Variants in COL11A1 observed in about 807,000 individuals in gnomAD.
COL11A1 encodes collagen alpha-1(XI) chain.
COL11A1 carries 74 observed loss-of-function variants against 265.2 expected under a neutral mutation model. That is an observed-to-expected ratio of 0.28 (90% CI 0.23 to 0.34). COL11A1 has a LOEUF of 0.34. COL11A1 is among the 10% of genes least tolerant of loss of function. COL11A1 has a pLI of 1.00. For synonymous variants in COL11A1, 816 were observed against 727.6 expected (o/e 1.12, Z -1.96); for missense variants, 2,165 against 2,263.6 (o/e 0.96, Z 0.88).
At chr1:103,040,460 T>A (rs1041028551) in intron 4 of COL11A1, among the ~76,000 whole-genome samples, 1 of 151,668 alleles carries the variant, frequency 6.6e-6, no homozygotes. Flanking sequence ...GTTTAGTTCC[T>A]TGTTGATTTA....
chr1:103,082,286 A>C (rs1364092270), intron 2 of COL11A1, among the ~76,000 whole-genome samples: 1 of 152,062 alleles, frequency 6.6e-6, no homozygotes, highest in African/African-American at 2.4e-5. Context: ...TGAAAAAATA[A>C]TGCAAAATTA....
In COL11A1 at chr1:102,914,352, T is replaced by G; in HGVS notation, c.3978A>C (p.Ala1326=). ...DPGPPGEPGP[A]GQDGVGGDKG... is the part of the protein sequence containing the mutation. ...TTCTTGATTTTTCCCTGATACTTAC[T>G]GCAGGGCCAGGTTCCCCAGGAGGAC... The change falls in exon 52 of 67, where the codon GCA becomes GCC. Residue 1326 remains alanine, a splice_region_variant and synonymous_variant. Transcript: ENST00000370096. 6.2e-7 allele frequency: 1 copy of G among 1,604,620 alleles called. No individual in the cohort carries two copies. Among genetic ancestry groups the G allele is most frequent in the Admixed American group, 1.7e-5 (1 of 59,898 alleles).
chr1:102,973,216 T>C (rs573963328), intron 36 of COL11A1, among the ~76,000 whole-genome samples: 25 of 152,150 alleles, frequency 1.6e-4, no homozygotes, highest in Non-Finnish European at 3.4e-4. Flanking sequence ...AAAAATCACT[T>C]TGTTTATCAG....
At chr1:102,987,266 A>ATG (rs370197386) in intron 30 of COL11A1, among the ~76,000 whole-genome samples, 1 of 147,584 alleles carries the variant, frequency 6.8e-6, no homozygotes, top group East Asian at 2.0e-4. Context: ...ATATATATAT[A>ATG]TGTATGTATA....
intron 4 of COL11A1, among the ~76,000 whole-genome samples, chr1:103,036,554 T>C (rs547622506): frequency 6.6e-6 from 1 of 151,670 alleles, no homozygotes; most frequent in Non-Finnish European, 1.5e-5. Flanking sequence ...AGGTGTTTAA[T>C]AGTCATAAAA....
At chr1:102,910,976 T>C (rs1654603427) in intron 54 of COL11A1, among the ~76,000 whole-genome samples, 2 of 152,130 alleles carry the variant, frequency 1.3e-5, no homozygotes, top group Non-Finnish European at 1.5e-5. Flanking sequence ...TGAAATAGTA[T>C]AATAGACAGC....
chr1:103,061,092 A>G (rs936673773), intron 4 of COL11A1, among the ~76,000 whole-genome samples: 3 of 152,194 alleles, frequency 2.0e-5, no homozygotes, highest in African/African-American at 7.2e-5. Context: ...TAATAAAAAG[A>G]AAACAGGAGT....
At chr1:102,883,644 T>C (rs1049385550) in intron 63 of COL11A1, among the ~76,000 whole-genome samples, 4 of 152,182 alleles carry the variant, frequency 2.6e-5, no homozygotes, top group African/African-American at 9.6e-5. Flanking sequence ...TGCATGCATA[T>C]TGAAATAAGA....
At chr1:103,063,664 A>T (rs961082494) in intron 4 of COL11A1, among the ~76,000 whole-genome samples, 1 of 152,218 alleles carries the variant, frequency 6.6e-6, no homozygotes, top group African/African-American at 2.4e-5. Context: ...GACTCTTCAG[A>T]CACAACACCA....
chr1:102,927,591 C>T (rs967440844), intron 46 of COL11A1, among the ~76,000 whole-genome samples: 15 of 151,752 alleles, frequency 9.9e-5, no homozygotes, highest in African/African-American at 2.2e-4. Context: ...TGCAGTGAGC[C>T]GAGAGCAGGC....
chr1:102,940,281 T>G, intron 43 of COL11A1, 46 bp downstream of exon 43: 1 of 1,458,658 alleles, frequency 6.9e-7, no homozygotes. Flanking sequence ...TTGACAAAAA[T>G]TAAGCTTTTT....
At chr1:102,924,460 ATACT>A (rs1376374447) in intron 46 of COL11A1, among the ~76,000 whole-genome samples, 1 of 152,218 alleles carries the variant, frequency 6.6e-6, no homozygotes, top group African/African-American at 2.4e-5. Context: ...TACTTTGTAC[ATACT>A]TCAATTGTAC....
intron 37 of COL11A1, among the ~76,000 whole-genome samples, chr1:102,969,915 G>A (rs1661793680): frequency 6.6e-6 from 1 of 152,022 alleles, no homozygotes; most frequent in African/African-American, 2.4e-5. Context: ...AAGAGTGAGA[G>A]GGAAAATCTT....
At chr1:102,912,646 A>G (rs1199344798) in intron 53 of COL11A1, among the ~76,000 whole-genome samples, 1 of 152,166 alleles carries the variant, frequency 6.6e-6, no homozygotes, top group Non-Finnish European at 1.5e-5. Context: ...ACATACTGAT[A>G]TGGTTTGGCT....
At chr1:102,904,772 T>C (rs1267515375) in intron 54 of COL11A1, among the ~76,000 whole-genome samples, 5 of 152,072 alleles carry the variant, frequency 3.3e-5, no homozygotes, top group Non-Finnish European at 5.9e-5. Flanking sequence ...TTTACACTGT[T>C]GGTGGGACTG....
At chr1:102,954,582 C>T (rs1031210573) in intron 41 of COL11A1, among the ~76,000 whole-genome samples, 23 of 152,164 alleles carry the variant, frequency 1.5e-4, no homozygotes, top group African/African-American at 4.8e-4. Flanking sequence ...CCTTGGCTCA[C>T]GCCTGTAATC....
intron 46 of COL11A1, among the ~76,000 whole-genome samples, chr1:102,931,549 C>A (rs1299309764): frequency 6.6e-6 from 1 of 152,064 alleles, no homozygotes; most frequent in Non-Finnish European, 1.5e-5. Flanking sequence ...TTTTGTGGTG[C>A]TGAAAAAAAT....
At chr1:103,021,792 C>T (rs754626865) in intron 8 of COL11A1, 23 bp from the exon 9 acceptor site, 4 of 1,520,988 alleles carry the variant, frequency 2.6e-6, no homozygotes, top group South Asian at 2.2e-5. Context: ...ATATTCAAAA[C>T]AGCCTAAATG....
chr1:103,096,583 A>G (rs1317834590), intron 1 of COL11A1, among the ~76,000 whole-genome samples: 2 of 151,978 alleles, frequency 1.3e-5, no homozygotes, highest in East Asian at 3.9e-4. Flanking sequence ...AGTTCAGGGT[A>G]AAGCAGGATA....
Sources: gnomAD v4.1 joint callset for allele counts (sites outside exome capture counted in the v4.1 genomes callset) on GRCh38, gnomAD v4.1.1 for gene constraint, MANE v1.5 for transcripts, NCBI Gene and HGNC (gene_info 2026-07-23, HGNC 2026-07-21) for gene names.